The following TCF20 variants were observed in gnomAD, a reference collection of about 807,000 sequenced individuals.
TCF20 encodes SPRE-binding protein.
In TCF20, 3 loss-of-function variants were observed where a neutral mutation model predicts 148.6. That is an observed-to-expected ratio of 0.02 (90% confidence interval 0.01 to 0.05). The LOEUF is 0.05. Among genes scored for constraint, TCF20 ranks in the 10% least tolerant of loss-of-function variants. The pLI is 1.00. For synonymous variants in TCF20, 1,049 were observed against 909.5 expected, an observed-to-expected ratio of 1.15 and a Z score of -2.76; for missense variants, 2,350 against 2,429.3, an observed-to-expected ratio of 0.97 and a Z score of 0.69.
chr22:42,174,696 C>G (rs1936329477), intron 3 of TCF20, among the ~76,000 whole-genome samples: 1 of 152,038 alleles, frequency 6.6e-6, no homozygotes, highest in Non-Finnish European at 1.5e-5. Flanking sequence ...CTGGGCAACA[C>G]AGTGAGACCC....
intron 3 of TCF20, among the ~76,000 whole-genome samples, chr22:42,171,758 G>A (rs895586502): frequency 6.6e-6 from 1 of 152,182 alleles, no homozygotes. Context: ...CCTGGGCTCT[G>A]GCAGCAAGCA....
chr22:42,285,641 T>C (rs1315259293), upstream of TCF20, among the ~76,000 whole-genome samples: 1 of 152,136 alleles, frequency 6.6e-6, no homozygotes, highest in Non-Finnish European at 1.5e-5. The surrounding 1 kb of genome is among the most constrained non-coding windows in gnomAD (Gnocchi z 4.2). Context: ...TTTATTATTA[T>C]TTTATTTTTT....
At chr22:42,248,494 A>T (rs1251867737) in intron 1 of TCF20, among the ~76,000 whole-genome samples, 1 of 152,250 alleles carries the variant, frequency 6.6e-6, no homozygotes, top group Non-Finnish European at 1.5e-5. Context: ...TGGGTAAGGG[A>T]TCTGTAAATA....
intron 1 of TCF20, among the ~76,000 whole-genome samples, chr22:42,268,489 A>G (rs993226014): frequency 6.6e-6 from 1 of 152,228 alleles, no homozygotes; most frequent in Admixed American, 6.5e-5. Context: ...AGGAGATGTT[A>G]TGGCATTCTA....
rs1471964915 is a variant in TCF20 at position 42,209,692 on chromosome 22, G to C, written c.5614C>G (p.Leu1872Val). Residue 1872 changes from leucine to valine, a missense_variant, in exon 2 of 6, where the codon CTC becomes GTC. By Grantham distance (32) the Leu-to-Val change is conservative. Transcript: ENST00000677622. ...ANGIYLVCGR[L>V]YGLQEALEIA... ...TCCAGCGCTTCCTGCAGGCCATAGAGCCTGCCACAAACCAGGTAGATTCCA... is the reference window on the plus strand; with the variant it reads ...TCCAGCGCTTCCTGCAGGCCATAGACCCTGCCACAAACCAGGTAGATTCCA... 1 of 1,614,016 alleles carries C rather than the reference G, an allele frequency of 6.2e-7. No homozygotes were observed. The highest frequency in any genetic ancestry group is 1.3e-5 in the African/African-American group (1 of 74,906).
chr22:42,234,588 T>C (rs553062937), intron 1 of TCF20, among the ~76,000 whole-genome samples: 3 of 152,304 alleles, frequency 2.0e-5, no homozygotes, highest in African/African-American at 7.2e-5. Flanking sequence ...AGAAACAATG[T>C]GCTAGTTCTT....
In TCF20 at chr22:42,341,621, C is replaced by A. The variant is rs938870326; in HGVS notation, c.-37+1858G>T. ...GCTCCTTGTCAGCCTCAAGGGGATT[C>A]CGAGAGCCCTGTAAGGGACCCTTCC... On this transcript the variant is annotated intron_variant, in intron 1 of 1. Coordinates refer to the TCF20 transcript ENST00000515426. 2.6e-5 allele frequency among the ~76,000 whole-genome samples: 4 copies of A among 152,158 alleles called. No individual in the cohort carries two copies. The South Asian group carries it at 8.3e-4, about 32-fold the overall frequency.
chr22:42,231,762 T>C (rs1923424961), intron 1 of TCF20, among the ~76,000 whole-genome samples: 1 of 151,950 alleles, frequency 6.6e-6, no homozygotes, highest in African/African-American at 2.4e-5. Context: ...ACCCCGTCTC[T>C]ACTAAAAATA....
At chr22:42,249,703 T>G (rs568783424) in intron 1 of TCF20, among the ~76,000 whole-genome samples, 8 of 152,204 alleles carry the variant, frequency 5.3e-5, no homozygotes, top group Non-Finnish European at 1.2e-4. Flanking sequence ...ATCGCAGAAG[T>G]GAAAATACAG....
At chr22:42,325,145 G>A (rs1043118094) in intron 1 of TCF20, among the ~76,000 whole-genome samples, 11 of 152,228 alleles carry the variant, frequency 7.2e-5, no homozygotes, top group Admixed American at 5.9e-4. Context: ...CTGGGCCAGC[G>A]CCCCCCTAAC....
chr22:42,256,479 T>G (rs1281439547), intron 1 of TCF20, among the ~76,000 whole-genome samples: 6 of 152,118 alleles, frequency 3.9e-5, no homozygotes, highest in Non-Finnish European at 8.8e-5. Context: ...AAAGTTTTTT[T>G]TTTTTTTTTA....
intron 1 of TCF20, among the ~76,000 whole-genome samples, chr22:42,305,575 C>T (rs1927416650): frequency 1.3e-5 from 2 of 152,172 alleles, no homozygotes; most frequent in South Asian, 4.1e-4. Context: ...ATCTACAGGA[C>T]AAATGGATGG....
rs765005561 is a variant in TCF20 at position 42,211,151 on chromosome 22, T to A, written c.4155A>T (p.Ile1385=). The A allele has an allele frequency of 1.1e-5, 17 of 1,614,054 alleles. No homozygotes were observed. The highest frequency in any genetic ancestry group is 1.4e-5 in the Non-Finnish European group (16 of 1,180,034). Residue 1385 remains isoleucine (I), a synonymous_variant, in exon 2 of 6, where the codon ATA becomes ATT. Transcript: ENST00000677622. The stretch of plus-strand genomic sequence containing the variant: ...CAGGAGGACCACTCTTCAAAGACAG[T>A]ATATCATCAAGCGTAACCGTGTCTC... ...AGGDTVTLDD[I]LSLKSGPPEG...
intron 1 of TCF20, among the ~76,000 whole-genome samples, chr22:42,258,353 ACACCTCTGCTCG>A (rs1925854416): frequency 1.3e-5 from 2 of 151,698 alleles, no homozygotes; most frequent in Admixed American, 6.6e-5. Flanking sequence ...TCTCACCCAC[ACACCTCTGCTCG>A]CACCTCTGCT....
chr22:42,316,409 C>A (rs984226494), intron 1 of TCF20, among the ~76,000 whole-genome samples: 1 of 152,168 alleles, frequency 6.6e-6, no homozygotes, highest in Admixed American at 6.5e-5. Flanking sequence ...GCCTTCCCTG[C>A]ACCCATGCAG....
At chr22:42,330,550 C>T (rs563906397) in intron 1 of TCF20, among the ~76,000 whole-genome samples, 2 of 152,346 alleles carry the variant, frequency 1.3e-5, no homozygotes, top group South Asian at 2.1e-4. Flanking sequence ...CCAAACCAGA[C>T]TGAAAACTCC....
chr22:42,168,125 T>A (rs1233956211), intron 5 of TCF20, among the ~76,000 whole-genome samples: 1 of 152,128 alleles, frequency 6.6e-6, no homozygotes, highest in East Asian at 1.9e-4. Context: ...GAATCCTTCA[T>A]AATACTGGAA....
intron 1 of TCF20, among the ~76,000 whole-genome samples, chr22:42,335,366 C>G (rs913457521): frequency 6.6e-6 from 1 of 152,074 alleles, no homozygotes; most frequent in African/African-American, 2.4e-5. Context: ...GCCCACAGGC[C>G]GGCACCAGCC....
chr22:42,239,143 G>A (rs1043616468), intron 1 of TCF20, among the ~76,000 whole-genome samples: 6 of 149,690 alleles, frequency 4.0e-5, no homozygotes, highest in South Asian at 2.1e-4. Flanking sequence ...AAGTAACATC[G>A]ATGATCACTG....
Sources: gnomAD v4.1 joint callset for allele counts (sites outside exome capture counted in the v4.1 genomes callset) on GRCh38, gnomAD v4.1.1 for gene constraint, Gnocchi (gnomAD v3.1) non-coding constraint, MANE v1.5 for transcripts, NCBI Gene and HGNC (gene_info 2026-07-23, HGNC 2026-07-21) for gene names.